PDE4C: variants seen among roughly 807,000 people sequenced by gnomAD.
PDE4C encodes 3',5'-cyclic-AMP phosphodiesterase 4C.
In PDE4C, 50 loss-of-function variants were observed where a neutral mutation model predicts 63.9. The observed-to-expected ratio is 0.78, with a 90% CI of 0.62 to 0.99. PDE4C has a LOEUF of 0.99. Among genes scored for constraint, PDE4C ranks in the 50% least tolerant of loss-of-function variants. The probability of loss-of-function intolerance (pLI) is 0.00; values close to 1 mark genes in which losing one functional copy is unlikely to be tolerated. For missense variants in PDE4C, 777 were observed against 899.1 expected (o/e 0.86, Z 1.74); for synonymous variants, 377 against 385.1 (o/e 0.98, Z 0.25).
intron 1 of PDE4C, chr19:18,248,146 AG>A (rs1367434156): frequency 2.2e-6 from 1 of 456,192 alleles, no homozygotes; most frequent in South Asian, 1.5e-5. Flanking sequence ...TTGCTCCAGG[AG>A]GCCCAGGCAT....
chr19:18,246,151 G>A (rs1008113746), intron 1 of PDE4C, among the ~76,000 whole-genome samples: 1 of 150,130 alleles, frequency 6.7e-6, no homozygotes, highest in Admixed American at 6.7e-5. Context: ...AAGTAGCTGG[G>A]ATTACAGGTG....
At chr19:18,250,027 C>T (rs554517677), upstream of PDE4C, 6 of 398,476 alleles carry the variant, frequency 1.5e-5, no homozygotes, top group Admixed American at 8.8e-5. Context: ...TGTTTTCACA[C>T]GAGGCCTTGG....
chr19:18,233,199 A>C (rs1303707563), exon 1 of PDE4C: 1 of 1,556,948 alleles, frequency 6.4e-7, no homozygotes, highest in Non-Finnish European at 8.7e-7. Flanking sequence ...CATGCGCCAG[A>C]GAAAGGGGTC....
At chr19:18,211,421 A>G in intron 14 of PDE4C, 145 bp from the exon 15 acceptor site, 1 of 745,460 alleles carries the variant, frequency 1.3e-6, no homozygotes, top group South Asian at 2.0e-5. Flanking sequence ...AACCCTTTTC[A>G]AATAACTCAT....
chr19:18,226,380 C>A (rs545078945), exon 1 of PDE4C: 1 of 1,474,726 alleles, frequency 6.8e-7, no homozygotes, highest in Non-Finnish European at 9.0e-7. Flanking sequence ...GGGAGCCGGG[C>A]CCGGGGACCG....
chr19:18,243,960 T>A (rs1053504477), intron 1 of PDE4C, among the ~76,000 whole-genome samples: 1 of 152,100 alleles, frequency 6.6e-6, no homozygotes, highest in African/African-American at 2.4e-5. Context: ...TTTCATGTGA[T>A]TCTCCCACCT....
intron 1 of PDE4C, among the ~76,000 whole-genome samples, chr19:18,239,001 A>G (rs1248035155): frequency 1.3e-5 from 2 of 152,126 alleles, no homozygotes; most frequent in African/African-American, 4.8e-5. Flanking sequence ...AAAAAAAAAA[A>G]AAAAGTAAAA....
At chr19:18,250,592 G>A (rs1237217792), upstream of PDE4C, 4 of 396,754 alleles carry the variant, frequency 1.0e-5, no homozygotes, top group Non-Finnish European at 1.8e-5. Context: ...TCCCTCTCCA[G>A]TTGAGGCTGC....
chr19:18,211,672 G>T, intron 14 of PDE4C, 87 bp downstream of exon 14: 1 of 1,494,992 alleles, frequency 6.7e-7, no homozygotes, highest in Non-Finnish European at 9.2e-7. Flanking sequence ...TAGCCAGCCA[G>T]GGCCAAACCA....
upstream of PDE4C, among the ~76,000 whole-genome samples, chr19:18,230,583 T>C (rs1968827793): frequency 6.6e-6 from 1 of 152,196 alleles, no homozygotes; most frequent in Non-Finnish European, 1.5e-5. Context: ...TGATCCATTT[T>C]CAGCTCCTCA....
At chr19:18,218,192 G>A (rs762091835) in exon 11 of PDE4C, 91 of 1,614,082 alleles carry the variant, frequency 5.6e-5, no homozygotes, top group Non-Finnish European at 7.1e-5. Flanking sequence ...GATGGTCCAC[G>A]TCGTGGATGG....
chr19:18,226,246 G>T, intron 1 of PDE4C, 24 bp downstream of exon 1: 2 of 1,541,058 alleles, frequency 1.3e-6, no homozygotes, highest in Non-Finnish European at 1.8e-6. Flanking sequence ...CGGTGACCCC[G>T]CCAGGCCCTC....
upstream of PDE4C, among the ~76,000 whole-genome samples, chr19:18,251,744 C>T (rs1199579621): frequency 1.6e-5 from 2 of 123,096 alleles, no homozygotes; most frequent in Non-Finnish European, 3.5e-5. Context: ...TGAGCCACCG[C>T]GCCCCGCCAT....
chr19:18,236,369 A>G (rs963189138), upstream of PDE4C, among the ~76,000 whole-genome samples: 17 of 152,038 alleles, frequency 1.1e-4, no homozygotes, highest in African/African-American at 2.9e-4. Context: ...AGCTGGGACT[A>G]CAGGTGCACC....
chr19:18,240,089 G>T (rs867598407), intron 1 of PDE4C, among the ~76,000 whole-genome samples: 1 of 151,526 alleles, frequency 6.6e-6, no homozygotes, highest in Non-Finnish European at 1.5e-5. Context: ...TCAGCCTCCC[G>T]AGTAGCTGGG....
rs143688109 is a variant in PDE4C, at chr19:18,242,848, T to A, written c.-210+5323A>T. 1.8e-4 allele frequency among the ~76,000 whole-genome samples: 27 copies of A among 151,314 alleles called. No individual in the cohort carries two copies. The East Asian group carries it at 4.3e-3, about 24-fold the overall frequency. On this transcript the variant is annotated intron_variant, in intron 1 of 15. Coordinates refer to the PDE4C transcript ENST00000594617. ...CCAGGGTGGAGGGAAGTTCATTGCTTCAGGGGCTGGGTGAGGACTTAGGAT... is the reference window on the plus strand; with the variant it reads ...CCAGGGTGGAGGGAAGTTCATTGCTACAGGGGCTGGGTGAGGACTTAGGAT...
chr19:18,234,100 A>C (rs1464839360), upstream of PDE4C: 1 of 153,098 alleles, frequency 6.5e-6, no homozygotes, highest in Non-Finnish European at 1.5e-5. Context: ...ACCAGTAGGG[A>C]TGGGCAAAGA....
intron 1 of PDE4C, chr19:18,248,164 C>T (rs1312072864): frequency 2.2e-6 from 1 of 456,308 alleles, no homozygotes; most frequent in Admixed American, 2.4e-5. Flanking sequence ...GCATGTCTGG[C>T]ACTTACCACC....
the PDE4C span, among the ~76,000 whole-genome samples, chr19:18,253,329 G>A: frequency 2.0e-5 from 3 of 152,096 alleles, no homozygotes; most frequent in Non-Finnish European, 2.9e-5. Context: ...GCTGTAGTGC[G>A]CCATGATTGC....
Sources: gnomAD v4.1 joint callset for allele counts (sites outside exome capture counted in the v4.1 genomes callset) on GRCh38, gnomAD v4.1.1 for gene constraint, MANE v1.5 for transcripts, NCBI Gene and HGNC (gene_info 2026-07-23, HGNC 2026-07-21) for gene names.